Variants in SEC31B observed in about 807,000 individuals in gnomAD.
The protein encoded by SEC31B is SEC31 homolog B, COPII component, also known as protein transport protein Sec31B.
A neutral mutation model predicts 135.0 loss-of-function variants in SEC31B; 113 were observed. The ratio of observed to expected loss-of-function variants is 0.84; its 90% CI spans 0.72 to 0.98. SEC31B has a LOEUF of 0.98. Ranked by LOEUF, SEC31B falls within the 50% of genes least tolerant of loss-of-function variation. The pLI, the probability that SEC31B is intolerant of heterozygous loss-of-function variation, is 0.00. For missense variants in SEC31B, 1,296 were observed against 1,421.1 expected, an observed-to-expected ratio of 0.91 and a Z score of 1.42; for synonymous variants, 508 against 549.4, an observed-to-expected ratio of 0.92 and a Z score of 1.05.
chr10:100,496,926 T>A (rs893265384), intron 17 of SEC31B, among the ~76,000 whole-genome samples: 1 of 152,148 alleles, frequency 6.6e-6, no homozygotes, highest in Non-Finnish European at 1.5e-5. Context: ...AGGAAAAAAA[T>A]TATGAAGACT....
At chr10:100,497,013 T>G in intron 17 of SEC31B, 122 bp downstream of exon 17, 2 of 1,165,292 alleles carry the variant, frequency 1.7e-6, no homozygotes, top group African/African-American at 1.5e-5. Flanking sequence ...CTTTCGCTCC[T>G]CCCTAACACC....
Position 100,505,822 on chromosome 10 carries a change from C to T in SEC31B, c.1044+218G>A. The T allele has an allele frequency of 3.4e-6, 5 of 1,462,010 alleles. No homozygotes were observed. In the South Asian group the frequency reaches 7.2e-5, roughly 21 times the overall value. The allele number at this position is 1,462,010 out of a possible 1,614,324, so 90.6% of individuals were successfully genotyped here. On this transcript the variant is annotated intron_variant, in intron 9 of 25. Coordinates refer to ENST00000370345, the MANE Select transcript of SEC31B (RefSeq NM_015490.4). ...ACGGTCCCTGAAATACTACAGGGCC[C>T]ATCCAATAACAAGAGTCAAGGTGAA... is the stretch of plus-strand genomic sequence containing the variant.
At position 100,497,662 on chromosome 10, in the gene SEC31B, C is replaced by G; in HGVS notation, c.1990+5G>C. ...TTTCATCCTGAAGCCTGGGACCACACTTACCACAGAGCTCGGGAAATTTCT... is the reference window on the plus strand; with the variant it reads ...TTTCATCCTGAAGCCTGGGACCACAGTTACCACAGAGCTCGGGAAATTTCT... On this transcript the variant is annotated splice_donor_5th_base_variant and intron_variant, in intron 16 of 25. Transcript: ENST00000370345. The G allele has an allele frequency of 6.2e-7, 1 of 1,614,190 alleles. No individual in the cohort carries two copies. The highest frequency in any genetic ancestry group is 1.3e-5 in the African/African-American group (1 of 75,056).
chr10:100,507,139 A>G (rs1851647559), intron 7 of SEC31B, among the ~76,000 whole-genome samples: 1 of 152,176 alleles, frequency 6.6e-6, no homozygotes. Flanking sequence ...TTATCCTCAT[A>G]TCAGAGCCTG....
At chr10:100,494,189 C>G (rs1268610622) in intron 19 of SEC31B, among the ~76,000 whole-genome samples, 2 of 152,068 alleles carry the variant, frequency 1.3e-5, no homozygotes, top group African/African-American at 2.4e-5. Flanking sequence ...TCCCCCCGGG[C>G]ACTTTGGCCA....
chr10:100,491,970 AC>A (rs1238312936), intron 19 of SEC31B, among the ~76,000 whole-genome samples: 1 of 152,238 alleles, frequency 6.6e-6, no homozygotes, highest in African/African-American at 2.4e-5. Context: ...ACCTGCTGGA[AC>A]CATACCTGCT....
chr10:100,488,044 T>G lies in SEC31B; in HGVS notation c.3343A>C (p.Lys1115Gln). ...GTACTTACTGTCCCCTCACAGAGCTTCTCATATAGATACTCCAGACGCTGG... is the reference window on the plus strand; with the variant it reads ...GTACTTACTGTCCCCTCACAGAGCTGCTCATATAGATACTCCAGACGCTGG... Reference protein sequence around the residue: ...AAQRLEYLYEKLCEGTLSPHV... With the variant: ...AAQRLEYLYEQLCEGTLSPHV... Residue 1115 changes from lysine to glutamine, a missense_variant, in exon 25 of 26, where the codon AAG becomes CAG. Lys to Gln is a moderately conservative substitution (Grantham distance 53). Coordinates refer to ENST00000370345, the MANE Select transcript of SEC31B (RefSeq NM_015490.4). The G allele has an allele frequency of 6.2e-7, 1 of 1,614,092 alleles. No homozygotes were observed. Among genetic ancestry groups the G allele is most frequent in the Non-Finnish European group, 8.5e-7 (1 of 1,179,994 alleles).
At chr10:100,507,718 G>T in intron 6 of SEC31B, 151 bp from the exon 7 acceptor site, 2 of 1,291,486 alleles carry the variant, frequency 1.5e-6, no homozygotes, top group Non-Finnish European at 1.1e-6. Context: ...GTAAGGAATG[G>T]CAGAAGCTTC....
chr10:100,519,209 G>A (rs1287740606), intron 1 of SEC31B, among the ~76,000 whole-genome samples: 3 of 152,218 alleles, frequency 2.0e-5, no homozygotes, highest in African/African-American at 7.2e-5. Flanking sequence ...TCTAGGAACT[G>A]GGAAAATGGG....
Position 100,490,304 on chromosome 10 carries a change from A to G in SEC31B, c.2669T>C (p.Leu890Pro). The G allele has an allele frequency of 1.2e-6, 2 of 1,613,462 alleles. No homozygotes were observed. The highest frequency in any genetic ancestry group is 1.7e-6 in the Non-Finnish European group (2 of 1,179,680). Residue 890 changes from leucine to proline, a missense_variant, in exon 21 of 26, where the codon CTA (leucine) becomes CCA (proline). By Grantham distance (98) the Leu-to-Pro change is moderately conservative (BLOSUM62 -3). Coordinates refer to ENST00000370345, the MANE Select transcript of SEC31B (RefSeq NM_015490.4). ...AACTTGCACCCTTTGCCCTCCTAAT[A>G]GCTGTGGCTGAGATGAAGCTGAAGC... ...GVRPASSQPQ[L>P]LGGQRVQVPN...
Position 100,495,558 on chromosome 10 carries a change from A to C in SEC31B, c.2311-12T>G, listed in dbSNP as rs1284754939. The C allele has an allele frequency of 6.2e-7, 1 of 1,608,874 alleles. No homozygotes were observed. Among genetic ancestry groups the C allele is most frequent in the South Asian group, 1.1e-5 (1 of 89,770 alleles). ...TGCTGAACTGGTGGCTATAAGTTTT[A>C]ATGAGGAAGAGCTGTGTCAAGAAAT... On this transcript the variant is annotated splice_polypyrimidine_tract_variant and intron_variant, in intron 18 of 25. Coordinates refer to ENST00000370345, the MANE Select transcript of SEC31B (RefSeq NM_015490.4).
chr10:100,518,361 T>C (rs1177424949), intron 1 of SEC31B, among the ~76,000 whole-genome samples: 2 of 145,708 alleles, frequency 1.4e-5, no homozygotes, highest in African/African-American at 5.1e-5. Context: ...CTTATATCTT[T>C]CTGGGCTCAG....
At position 100,498,588 on chromosome 10, in the gene SEC31B, G is replaced by C. The variant is rs546380291; in HGVS notation, c.1684+117C>G. The C allele has an allele frequency of 2.5e-5, 18 of 716,028 alleles. No individual in the cohort carries two copies. The African/African-American group carries it at 2.8e-4, about 11-fold the overall frequency. 44.4% of individuals were successfully genotyped at this position (716,028 alleles called of 1,614,324 possible). A position where few individuals can be genotyped will look rare whatever the true frequency, so the allele number is the denominator to read the frequency against. On this transcript the variant is annotated intron_variant, in intron 14 of 25. Transcript: ENST00000370345. ...CTGGTAAGCGACTCACTCAGCATTT[G>C]AGACGGTGGGAGGAAGGCACGAGGC...
At position 100,509,521 on chromosome 10, in the gene SEC31B, G is replaced by C. The variant is rs1164655034; in HGVS notation, c.204-10C>G. On this transcript the variant is annotated splice_polypyrimidine_tract_variant and intron_variant, in intron 3 of 25. Transcript: ENST00000370345. ...GACCAGCTTGTGAAACCTATAAAGA[G>C]GAGGAACTGGCATCAGTACAAACTT... The C allele has an allele frequency of 1.3e-6, 2 of 1,598,820 alleles. No homozygotes were observed. Among genetic ancestry groups the C allele is most frequent in the Admixed American group, 3.5e-5 (2 of 57,882 alleles).
intron 20 of SEC31B, 112 bp from the exon 21 acceptor site, chr10:100,490,434 A>C: frequency 9.0e-6 from 10 of 1,116,832 alleles, no homozygotes; most frequent in Non-Finnish European, 1.0e-5. Context: ...TGATTAATAC[A>C]TGTATATGGA....
chr10:100,498,064 G>A lies in SEC31B; in HGVS notation c.1828C>T (p.Arg610Cys), dbSNP rs191855412. 3.7e-4 allele frequency: 596 copies of A among 1,614,126 alleles called. No individual in the cohort carries two copies. The highest frequency in any genetic ancestry group is 8.5e-4 in the Admixed American group (51 of 60,022). ...TTGGTTTTCTTCTTGGCCAAGTAGC[G>A]CTCCTGTGTTTGCTTCAGCAGATCT... Reference protein sequence around the residue: ...GTDLLKQTQERYLAKKKTKIS... With the variant: ...GTDLLKQTQECYLAKKKTKIS... The change falls in exon 15 of 26, where the codon CGC becomes TGC. Residue 610 changes from arginine (R) to cysteine (C), a missense_variant. Physicochemically the swap from Arg to Cys is radical, Grantham distance 180 (BLOSUM62 -3). Coordinates refer to ENST00000370345, the MANE Select transcript of SEC31B (RefSeq NM_015490.4).
intron 11 of SEC31B, 121 bp downstream of exon 11, chr10:100,502,133 G>A: frequency 1.4e-6 from 1 of 739,182 alleles, no homozygotes; most frequent in Non-Finnish European, 2.3e-6. Flanking sequence ...AAAAACTAAT[G>A]GGAGTTAAGG....
rs370614475 is a variant in SEC31B at position 100,502,380 on chromosome 10, A to T, written c.1284T>A (p.Ser428=). Residue 428 remains serine, a synonymous_variant, in exon 11 of 26, where the codon TCT becomes TCA. Transcript: ENST00000370345. The stretch of plus-strand genomic sequence containing the variant: ...GCTCAGCTGATCGCATCAGGAATTC[A>T]GATTCTGTGGTGACTTGACTGATGA... ...LVFISQVTTE[S]EFLMRSAELQ... The T allele has an allele frequency of 6.2e-7, 1 of 1,614,216 alleles. No homozygotes were observed. The highest frequency in any genetic ancestry group is 2.2e-5 in the East Asian group (1 of 44,888).
chr10:100,519,378 G>A (rs1851908618), intron 1 of SEC31B, among the ~76,000 whole-genome samples: 2 of 152,256 alleles, frequency 1.3e-5, no homozygotes. Context: ...CCAGTCCCTA[G>A]GGAGGACGGT....
Sources: allele counts gnomAD v4.1 joint callset (sites outside exome capture counted in the v4.1 genomes callset), GRCh38; gene constraint gnomAD v4.1.1; transcripts MANE v1.5; gene names NCBI Gene and HGNC (gene_info 2026-07-23, HGNC 2026-07-21).